Variants in KCNH2 observed in about 807,000 individuals in gnomAD.
KCNH2 encodes the protein potassium voltage-gated channel subfamily H member 2.
Under a neutral mutation model 95.9 loss-of-function variants are expected in KCNH2, and 35 were observed. The observed-to-expected ratio is 0.37, with a 90% confidence interval of 0.28 to 0.48. The LOEUF (loss-of-function observed/expected upper bound fraction) is 0.48. Ranked by LOEUF, KCNH2 falls within the 20% of genes least tolerant of loss-of-function variation. KCNH2 has a pLI of 0.99. For synonymous variants in KCNH2, 786 were observed against 754.7 expected (o/e 1.04, Z -0.68); for missense variants, 1,274 against 1,702.9 (o/e 0.75, Z 4.43).
intron 2 of KCNH2, among the ~76,000 whole-genome samples, chr7:150,963,229 C>T (rs1391070280): frequency 6.6e-6 from 1 of 152,150 alleles, no homozygotes; most frequent in African/African-American, 2.4e-5. Flanking sequence ...ACAAGGAGGG[C>T]GGAGGGGGTG....
intron 10 of KCNH2, 73 bp from the exon 11 acceptor site, chr7:150,948,616 CCTT>C (rs1801014477): frequency 2.4e-5 from 33 of 1,382,246 alleles, no homozygotes; most frequent in Non-Finnish European, 3.1e-5. Context: ...CAAGCTCCCT[CCTT>C]AACACAGAAA....
intron 2 of KCNH2, among the ~76,000 whole-genome samples, chr7:150,974,428 C>T (rs950939686): frequency 6.6e-6 from 1 of 152,148 alleles, no homozygotes; most frequent in Non-Finnish European, 1.5e-5. Context: ...CACACCTGCC[C>T]AGGGAAAAAA....
chr7:150,968,777 G>A (rs1173817607), intron 2 of KCNH2, among the ~76,000 whole-genome samples: 1 of 152,188 alleles, frequency 6.6e-6, no homozygotes, highest in Non-Finnish European at 1.5e-5. Flanking sequence ...GGAGAGGCAG[G>A]CAGCATGCAG....
intron 5 of KCNH2, among the ~76,000 whole-genome samples, chr7:150,954,510 G>A (rs1479730433): frequency 6.6e-6 from 1 of 152,190 alleles, no homozygotes; most frequent in African/African-American, 2.4e-5. Flanking sequence ...TCCCAGCTCT[G>A]CAGCCACCAG....
At chr7:150,960,052 G>GATCTCATTTCCTCCCT (rs1319376524) in intron 2 of KCNH2, among the ~76,000 whole-genome samples, 10 of 151,954 alleles carry the variant, frequency 6.6e-5, no homozygotes, top group African/African-American at 2.4e-4. Flanking sequence ...TGCCATCTTT[G>GATCTCATTTCCTCCCT]ATCTCATTTC....
chr7:150,949,137 C>CAG, intron 9 of KCNH2, 88 bp from the exon 10 acceptor site: 1 of 1,264,004 alleles, frequency 7.9e-7, no homozygotes, highest in Non-Finnish European at 1.1e-6. Context: ...CCACCCCGGG[C>CAG]AGAGCATGTC....
Position 150,947,056 on chromosome 7 carries a change from TG to T in KCNH2, c.3153-3del. On this transcript the variant is annotated splice_region_variant and splice_polypyrimidine_tract_variant and intron_variant, in intron 13 of 14. Coordinates refer to ENST00000262186, the MANE Select transcript of KCNH2 (RefSeq NM_000238.4). The stretch of plus-strand genomic sequence containing the variant: ...TCTGCACTCAGCCGGGTCTCCAGCC[TG>T]GGGCAGGAAGTGGGGGATGCTCAGA... 1 of 1,426,366 alleles carries T rather than the reference TG, an allele frequency of 7.0e-7. No homozygotes were observed. The highest frequency in any genetic ancestry group is 1.2e-5 in the South Asian group (1 of 85,966). The allele number at this position is 1,426,366 out of a possible 1,614,324, so 88.4% of individuals were successfully genotyped here.
Position 150,962,627 on chromosome 7 carries a change from C to CAGAGAGAGAGAGAGAGAGAGAGAGAGAG in KCNH2, c.308-2892_308-2891insCTCTCTCTCTCTCTCTCTCTCTCTCTCT, listed in dbSNP as rs41307331. ...CACACTTACACACACACACGAGAGA[C>CAGAGAGAGAGAGAGAGAGAGAGAGAGAG]AGAGAGAGAGAGAGAGAGAGAGAGA... On this transcript the variant is annotated intron_variant, in intron 2 of 14. Coordinates refer to ENST00000262186, the MANE Select transcript of KCNH2 (RefSeq NM_000238.4). The surrounding 1 kb of genome is among the most constrained non-coding windows in gnomAD (Gnocchi z 5.7). 5.5e-5 allele frequency among the ~76,000 whole-genome samples: 8 copies of CAGAGAGAGAGAGAGAGAGAGAGAGAGAG among 146,356 alleles called. No individual in the cohort carries two copies. The highest frequency in any genetic ancestry group is 1.0e-4 in the African/African-American group (4 of 39,330).
intron 7 of KCNH2, 80 bp downstream of exon 7, chr7:150,951,368 C>T (rs753115280): frequency 6.5e-5 from 103 of 1,573,616 alleles, no homozygotes; most frequent in Middle Eastern, 2.2e-4. Flanking sequence ...CACTCTGGCC[C>T]GGCTAGCAGC....
chr7:150,957,202 C>T (rs144007725), intron 5 of KCNH2, 89 bp downstream of exon 5: 1 of 1,135,730 alleles, frequency 8.8e-7, no homozygotes, highest in Non-Finnish European at 1.3e-6. Flanking sequence ...TGGCTAGCCC[C>T]CTCCACCCGG....
Position 150,952,941 on chromosome 7 carries a change from G to T in KCNH2, c.1129-88C>A. 2 of 1,315,102 alleles carry T rather than the reference G, an allele frequency of 1.5e-6. No homozygotes were observed. Among genetic ancestry groups the T allele is most frequent in the Non-Finnish European group, 2.1e-6 (2 of 941,578 alleles). The allele number at this position is 1,315,102 out of a possible 1,614,324, so 81.5% of individuals were successfully genotyped here. A position where few individuals can be genotyped will look rare whatever the true frequency, so the allele number is the denominator to read the frequency against. On this transcript the variant is annotated intron_variant, in intron 5 of 14. Transcript: ENST00000262186. This position sits in a 1 kb window ranked among gnomAD's most constrained non-coding sequence, Gnocchi z 7.3. ...ATGACATCTCTGCCGGGGCCAAGCA[G>T]AATGAGGAGGAGGCCAAAAAAAGCT...
In KCNH2 at chr7:150,950,175, G is replaced by T; in HGVS notation, c.2391C>A (p.Ala797=). The change falls in exon 9 of 15, where the codon GCC becomes GCA. Residue 797 remains alanine, a synonymous_variant. Transcript: ENST00000262186. ...IEILRGDVVV[A]ILGKNDIFGE... ...CCGCCCCCCACCCCATACCCAGGAT[G>T]GCCACGACGACGTCGCCCCGCAGGA... The T allele has an allele frequency of 6.2e-7, 1 of 1,608,294 alleles. No homozygotes were observed. The highest frequency in any genetic ancestry group is 8.5e-7 in the Non-Finnish European group (1 of 1,178,076).
rs1229440071 is a variant in KCNH2 at position 150,948,883 on chromosome 7, G to C, written c.2565C>G (p.Ser855Arg). 1.9e-6 allele frequency: 3 copies of C among 1,614,110 alleles called. No homozygotes were observed. Among genetic ancestry groups the C allele is most frequent in the Non-Finnish European group, 2.5e-6 (3 of 1,180,042 alleles). Residue 855 changes from serine (S) to arginine (R), a missense_variant, in exon 10 of 15, where the codon AGC becomes AGG. Around this residue, in one of 7 missense-constraint regions of KCNH2, gnomAD observed 159 missense variants for 282.5 expected, o/e 0.56. Coordinates refer to ENST00000262186, the MANE Select transcript of KCNH2 (RefSeq NM_000238.4). ...CTCGCAGGTTGAAGGTGATCTCCAG[G>C]CTGGACCAGAAGTGGTCGGAGAACT... ...YPEFSDHFWS[S>R]LEITFNLRDT...
chr7:150,971,848 G>A (rs1801847696), intron 2 of KCNH2, among the ~76,000 whole-genome samples: 1 of 152,194 alleles, frequency 6.6e-6, no homozygotes, highest in East Asian at 1.9e-4. Flanking sequence ...GATGCAGGGG[G>A]ACAGAGAGAA....
In KCNH2 at chr7:150,945,007, T is replaced by C. The variant is rs1034366467; in HGVS notation, c.*358A>G. On this transcript the variant is annotated 3_prime_UTR_variant, in exon 15 of 15. Transcript: ENST00000262186. The surrounding 1 kb of genome is among the most constrained non-coding windows in gnomAD (Gnocchi z 5.6). ...TTATTCATAGTCATCAGCATCTTCA[T>C]TAATTATTCATATGATCCTTAATTA... 8.5e-6 allele frequency: 2 copies of C among 235,858 alleles called. No individual in the cohort carries two copies. The highest frequency in any genetic ancestry group is 1.7e-5 in the Non-Finnish European group (2 of 120,422). The allele number at this position is 235,858 out of a possible 1,614,324, so 14.6% of individuals were successfully genotyped here.
Position 150,974,037 on chromosome 7 carries a change from C to T in KCNH2, c.307+674G>A, listed in dbSNP as rs535437292. Among the ~76,000 whole-genome samples the T allele has an allele frequency of 2.0e-5, 3 of 152,330 alleles. No homozygotes were observed. In the South Asian group the frequency reaches 6.2e-4, roughly 32 times the overall value. ...AGCCCCACCCCGGGCTCTGTTTATC[C>T]GCTCTCCGGAAGCCCAGAGCAGCTG... On this transcript the variant is annotated intron_variant, in intron 2 of 14. Transcript: ENST00000262186.
Position 150,950,065 on chromosome 7 carries a change from C to G in KCNH2, c.2398+103G>C, listed in dbSNP as rs1042662025. 2.5e-6 allele frequency: 4 copies of G among 1,612,470 alleles called. No individual in the cohort carries two copies. In the African/African-American group the frequency reaches 4.0e-5, roughly 16 times the overall value. On this transcript the variant is annotated intron_variant, in intron 9 of 14. Transcript: ENST00000262186. ...TAAAGGAGCCCAGTGACCCTGCAGGCAGTCCCAGGTCCACAGCCCCAGTGA... is the reference window on the plus strand; with the variant it reads ...TAAAGGAGCCCAGTGACCCTGCAGGGAGTCCCAGGTCCACAGCCCCAGTGA...
chr7:150,963,063 G>A (rs1207616444), intron 2 of KCNH2, among the ~76,000 whole-genome samples: 9 of 152,190 alleles, frequency 5.9e-5, no homozygotes, highest in Non-Finnish European at 5.9e-5. Flanking sequence ...CCACCGACTC[G>A]CCCTGGCTCC....
chr7:150,955,037 C>G (rs1801320021), intron 5 of KCNH2, among the ~76,000 whole-genome samples: 1 of 152,248 alleles, frequency 6.6e-6, no homozygotes, highest in Admixed American at 6.5e-5. Flanking sequence ...CAGCTGTCGC[C>G]TGCCGGCTTC....
Sources: allele counts gnomAD v4.1 joint callset (sites outside exome capture counted in the v4.1 genomes callset), GRCh38; gene constraint gnomAD v4.1.1; regional missense constraint gnomAD v4.1.1; non-coding constraint Gnocchi (gnomAD v3.1); transcripts MANE v1.5; gene names NCBI Gene and HGNC (gene_info 2026-07-23, HGNC 2026-07-21).